The following DGAT2 variants were observed in gnomAD, a reference collection of about 807,000 sequenced individuals.
DGAT2 encodes the protein acyl-CoA retinol O-fatty-acyltransferase.
Under a neutral mutation model 48.4 loss-of-function variants are expected in DGAT2, and 33 were observed. That is an observed-to-expected ratio of 0.68 (90% CI 0.52 to 0.91). The LOEUF is 0.91. DGAT2 is among the 40% of genes least tolerant of loss of function. The pLI is 0.00. For missense variants in DGAT2, 446 were observed against 493.7 expected (o/e 0.90, Z 0.92); for synonymous variants, 191 against 194.1 (o/e 0.98, Z 0.13).
At chr11:75,771,015 A>C (rs1199512520) in intron 1 of DGAT2, among the ~76,000 whole-genome samples, 3 of 152,066 alleles carry the variant, frequency 2.0e-5, no homozygotes, top group Non-Finnish European at 2.9e-5. Context: ...CCAGTGGCCT[A>C]GTTTGCCTCT....
intron 1 of DGAT2, among the ~76,000 whole-genome samples, chr11:75,771,142 A>G (rs1271319278): frequency 6.6e-6 from 1 of 151,794 alleles, no homozygotes; most frequent in East Asian, 1.9e-4. Flanking sequence ...TGAAATAGAT[A>G]CCTTGGCATC....
chr11:75,800,311 G>T, intron 7 of DGAT2, 43 bp from the exon 8 acceptor site: 1 of 1,596,278 alleles, frequency 6.3e-7, no homozygotes, highest in Non-Finnish European at 8.5e-7. Flanking sequence ...ATGCCCAGGG[G>T]AAGGGTGTTG....
Position 75,784,687 on chromosome 11 carries a change from T to G in DGAT2, c.191T>G (p.Val64Gly). The change falls in exon 2 of 8, where the codon GTG becomes GGG. Residue 64 changes from valine to glycine, a missense_variant. Val to Gly is a moderately radical substitution (Grantham distance 109, BLOSUM62 -3). Transcript: ENST00000228027. Reference protein sequence around the residue: ...FSVTWLNRSKVEKQLQVISVL... With the variant: ...FSVTWLNRSKGEKQLQVISVL... ...GTCACCTGGCTCAATAGGTCCAAGGTGGAAAAGCAGCTACAGGTCATCTCA... is the reference window on the plus strand; with the variant it reads ...GTCACCTGGCTCAATAGGTCCAAGGGGGAAAAGCAGCTACAGGTCATCTCA... 2.5e-6 allele frequency: 4 copies of G among 1,613,946 alleles called. No homozygotes were observed. The highest frequency in any genetic ancestry group is 3.4e-6 in the Non-Finnish European group (4 of 1,179,946).
chr11:75,799,747 G>A (rs977049270), intron 7 of DGAT2, among the ~76,000 whole-genome samples: 1 of 151,876 alleles, frequency 6.6e-6, no homozygotes, highest in African/African-American at 2.4e-5. Context: ...CTGAGTAGCT[G>A]GGACTACAGG....
chr11:75,770,644 G>A (rs1944748498), intron 1 of DGAT2, among the ~76,000 whole-genome samples: 1 of 152,204 alleles, frequency 6.6e-6, no homozygotes, highest in South Asian at 2.1e-4. Flanking sequence ...CACAGGCTGG[G>A]AGCTGTGTCT....
intron 2 of DGAT2, among the ~76,000 whole-genome samples, chr11:75,785,545 C>T (rs912787061): frequency 3.9e-5 from 6 of 152,212 alleles, no homozygotes; most frequent in African/African-American, 7.2e-5. Context: ...CAGGACAACA[C>T]GAATGTCTGA....
chr11:75,784,999 T>A (rs1944907022), intron 2 of DGAT2, among the ~76,000 whole-genome samples: 1 of 152,106 alleles, frequency 6.6e-6, no homozygotes, highest in Non-Finnish European at 1.5e-5. Flanking sequence ...AAACCTCAAG[T>A]CTTAGAGAAG....
At chr11:75,769,658 C>T (rs1944736732) in intron 1 of DGAT2, among the ~76,000 whole-genome samples, 1 of 152,146 alleles carries the variant, frequency 6.6e-6, no homozygotes, top group Non-Finnish European at 1.5e-5. Context: ...CTCAGTGAAT[C>T]GCGCAGAGTT....
At chr11:75,780,611 G>GT (rs1318588703) in intron 1 of DGAT2, among the ~76,000 whole-genome samples, 2 of 152,142 alleles carry the variant, frequency 1.3e-5, no homozygotes, top group East Asian at 3.8e-4. Flanking sequence ...CCCTCTGAAG[G>GT]AAAACAGATC....
At chr11:75,778,427 ACT>A (rs1944824140) in intron 1 of DGAT2, among the ~76,000 whole-genome samples, 1 of 151,426 alleles carries the variant, frequency 6.6e-6, no homozygotes, top group Non-Finnish European at 1.5e-5. Context: ...CTCTGGAAAA[ACT>A]CTGCTTGCTC....
intron 4 of DGAT2, chr11:75,792,470 G>A (rs762512425): frequency 3.3e-5 from 5 of 152,172 alleles, no homozygotes; most frequent in African/African-American, 4.8e-5. Flanking sequence ...GACACTCTAT[G>A]GGGGTGTGTG....
chr11:75,789,864 CAAG>C (rs1314252398), intron 2 of DGAT2, among the ~76,000 whole-genome samples: 3 of 152,168 alleles, frequency 2.0e-5, no homozygotes, highest in Non-Finnish European at 4.4e-5. Flanking sequence ...GGGGCGCACA[CAAG>C]GAGGGGACAG....
chr11:75,780,332 A>G (rs1944848217), intron 1 of DGAT2, among the ~76,000 whole-genome samples: 2 of 152,068 alleles, frequency 1.3e-5, no homozygotes, highest in African/African-American at 2.4e-5. Flanking sequence ...GCCCAACTGA[A>G]CCCTCACTTC....
At chr11:75,797,361 C>A (rs1269065857) in intron 6 of DGAT2, 29 bp downstream of exon 6, 3 of 1,408,500 alleles carry the variant, frequency 2.1e-6, no homozygotes, top group Admixed American at 2.7e-5. Context: ...ACACACACAC[C>A]CCTCCAGTGC....
intron 1 of DGAT2, among the ~76,000 whole-genome samples, chr11:75,781,764 C>T (rs1371241361): frequency 6.6e-6 from 1 of 152,164 alleles, no homozygotes; most frequent in East Asian, 1.9e-4. Context: ...AGCCTGCAGA[C>T]CCACCTTGCT....
In DGAT2 at chr11:75,769,152, A is replaced by G. The variant is rs569131968; in HGVS notation, c.121+40A>G. On this transcript the variant is annotated intron_variant, in intron 1 of 7. Coordinates refer to ENST00000228027, the MANE Select transcript of DGAT2 (RefSeq NM_032564.5). ...GCAGGGGTTATGGACCTGCGAGAAG[A>G]TTTTCTGGAAAGGGCCCTGTGGCAG... 1.5e-5 allele frequency: 23 copies of G among 1,517,296 alleles called. 1 individual carries two copies. In the East Asian group the frequency reaches 5.3e-4, roughly 35 times the overall value. The allele number at this position is 1,517,296 out of a possible 1,614,324, so 94.0% of individuals were successfully genotyped here. A position where few individuals can be genotyped will look rare whatever the true frequency, so the allele number is the denominator to read the frequency against.
intron 1 of DGAT2, among the ~76,000 whole-genome samples, chr11:75,782,367 C>A (rs1452035076): frequency 6.6e-6 from 1 of 152,206 alleles, no homozygotes; most frequent in Non-Finnish European, 1.5e-5. Context: ...GCTGCTGTTC[C>A]CAGACCACGC....
At chr11:75,787,818 C>T (rs1295968812) in intron 2 of DGAT2, among the ~76,000 whole-genome samples, 2 of 152,114 alleles carry the variant, frequency 1.3e-5, no homozygotes, top group Non-Finnish European at 1.5e-5. Flanking sequence ...AGTGGGAGTC[C>T]AATGAGGGAG....
intron 1 of DGAT2, among the ~76,000 whole-genome samples, chr11:75,771,271 A>G (rs529238944): frequency 1.3e-5 from 2 of 152,248 alleles, no homozygotes; most frequent in South Asian, 4.1e-4. Context: ...CCTGTGCCAG[A>G]CGTGGAGTTT....
Sources: allele counts gnomAD v4.1 joint callset (sites outside exome capture counted in the v4.1 genomes callset), GRCh38; gene constraint gnomAD v4.1.1; transcripts MANE v1.5; gene names NCBI Gene and HGNC (gene_info 2026-07-23, HGNC 2026-07-21).